OR2A42: variants seen among roughly 807,000 people sequenced by gnomAD.
OR2A42 encodes the protein olfactory receptor 2A1/2A42.
For missense variants in OR2A42, 3 were observed against 104.1 expected (o/e 0.03, Z 4.23); for synonymous variants, 5 against 46.4 (o/e 0.11, Z 3.63).
chr7:144,230,431 A>G lies in OR2A42; in HGVS notation c.*1480T>C, dbSNP rs1445069265. The G allele has an allele frequency of 9.6e-4, 119 of 123,604 alleles. 1 individual carries two copies. Among genetic ancestry groups the G allele is most frequent in the African/African-American group, 3.5e-3 (109 of 31,230 alleles). The allele number at this position is 123,604 out of a possible 1,614,324, so 7.7% of individuals were successfully genotyped here. A position where few individuals can be genotyped will look rare whatever the true frequency, so the allele number is the denominator to read the frequency against. Reference sequence around the variant, plus strand: ...TTTCTCGCCTAAAAATAGTAGTAATAGTCTCTACCTCATAGGGTTTTTATG... The same window carrying G: ...TTTCTCGCCTAAAAATAGTAGTAATGGTCTCTACCTCATAGGGTTTTTATG... On this transcript the variant is annotated 3_prime_UTR_variant, in exon 3 of 3. Coordinates refer to ENST00000641810, the MANE Select transcript of OR2A42 (RefSeq NM_001001802.3).
At chr7:144,234,959 T>C (rs2128820245) in intron 2 of OR2A42, among the ~76,000 whole-genome samples, 1 of 144,368 alleles carries the variant, frequency 6.9e-6, no homozygotes, top group East Asian at 1.9e-4. Flanking sequence ...TATTTATTTA[T>C]TTATTTTTTT....
intron 2 of OR2A42, among the ~76,000 whole-genome samples, chr7:144,235,168 G>C (rs2128820328): frequency 1.4e-5 from 2 of 146,818 alleles, no homozygotes; most frequent in South Asian, 4.3e-4. Context: ...TGTCACCCAG[G>C]CTGGTTTCAA....
intron 2 of OR2A42, among the ~76,000 whole-genome samples, chr7:144,238,109 T>C (rs2052454809): frequency 8.9e-6 from 1 of 112,468 alleles, no homozygotes; most frequent in Non-Finnish European, 1.8e-5. Flanking sequence ...CTGACAAGCA[T>C]TGCCTCTTCA....
chr7:144,230,149 GTTTGT>G lies in OR2A42; in HGVS notation c.*1757_*1761del, dbSNP rs1424341820. The G allele has an allele frequency of 7.5e-6, 1 of 133,858 alleles. No individual in the cohort carries two copies. Among genetic ancestry groups the G allele is most frequent in the African/African-American group, 2.8e-5 (1 of 35,090 alleles). 8.3% of individuals were successfully genotyped at this position (133,858 alleles called of 1,614,324 possible). On this transcript the variant is annotated 3_prime_UTR_variant, in exon 3 of 3. Coordinates refer to ENST00000641810, the MANE Select transcript of OR2A42 (RefSeq NM_001001802.3). ...AAAAAAAGCTGTTTTTTGTTTGTTT[GTTTGT>G]TTGTTTGTTTGTTTTTCCCCCAGCT...
intron 2 of OR2A42, among the ~76,000 whole-genome samples, chr7:144,237,487 C>T (rs1198868354): frequency 2.0e-5 from 3 of 147,854 alleles, no homozygotes; most frequent in Admixed American, 6.7e-5. Flanking sequence ...TCAAGTATAC[C>T]GATTACAGTA....
Position 144,238,522 on chromosome 7 carries a change from G to A in OR2A42, c.-95C>T, listed in dbSNP as rs1159108656. 3 of 150,334 alleles carry A rather than the reference G, an allele frequency of 2.0e-5. No homozygotes were observed. The East Asian group carries it at 5.8e-4, about 29-fold the overall frequency. 9.3% of individuals were successfully genotyped at this position (150,334 alleles called of 1,614,324 possible). On this transcript the variant is annotated 5_prime_UTR_variant, in exon 2 of 3. Transcript: ENST00000641810. ...ATGGTAAAGTAAAAAGAGGCAACCTGGTTAGCTCCCACATTTGGACTCAAG... is the reference window on the plus strand; with the variant it reads ...ATGGTAAAGTAAAAAGAGGCAACCTAGTTAGCTCCCACATTTGGACTCAAG...
chr7:144,237,540 G>T (rs2052445231), intron 2 of OR2A42, among the ~76,000 whole-genome samples: 1 of 147,822 alleles, frequency 6.8e-6, no homozygotes, highest in South Asian at 2.2e-4. Flanking sequence ...TCAGTCCAAA[G>T]ACGGTAAAAA....
At position 144,238,817 on chromosome 7, in the gene OR2A42, A is replaced by C. The variant is rs1199873656; in HGVS notation, c.-316-74T>G. 26 of 150,052 alleles carry C rather than the reference A, an allele frequency of 1.7e-4. No homozygotes were observed. The South Asian group carries it at 5.6e-3, about 32-fold the overall frequency. The allele number at this position is 150,052 out of a possible 1,614,324, so 9.3% of individuals were successfully genotyped here. On this transcript the variant is annotated intron_variant, in intron 1 of 2. Transcript: ENST00000641810. ...AACCCCAGCAGGATGCACAATTAAC[A>C]AACACCGACAGCCACAGAGCACACC...
chr7:144,237,571 CAAA>C (rs201765296), intron 2 of OR2A42, among the ~76,000 whole-genome samples: 10 of 147,230 alleles, frequency 6.8e-5, no homozygotes, highest in African/African-American at 2.5e-4. Flanking sequence ...CAAACAACAA[CAAA>C]AAAAAAACCA....
chr7:144,237,386 A>C (rs1260372956), intron 2 of OR2A42, among the ~76,000 whole-genome samples: 1 of 143,402 alleles, frequency 7.0e-6, no homozygotes, highest in Non-Finnish European at 1.5e-5. Flanking sequence ...TGATGAATTT[A>C]ATCCATTTGC....
In OR2A42 at chr7:144,229,665, T is replaced by C. The variant is rs2052345684; in HGVS notation, c.*2246A>G. 6.7e-6 allele frequency: 1 copy of C among 149,470 alleles called. No individual in the cohort carries two copies. 9.3% of individuals were successfully genotyped at this position (149,470 alleles called of 1,614,324 possible). A position where few individuals can be genotyped will look rare whatever the true frequency, so the allele number is the denominator to read the frequency against. ...TATCCCTTCCCAGTGTTAGTTGCAA[T>C]GCAGTATGCAGCATCTGCCGTGAAA... On this transcript the variant is annotated 3_prime_UTR_variant, in exon 3 of 3. Transcript: ENST00000641810.
chr7:144,234,941 A>C (rs2052406752), intron 2 of OR2A42, among the ~76,000 whole-genome samples: 2 of 141,774 alleles, frequency 1.4e-5, no homozygotes, highest in Non-Finnish European at 1.5e-5. Flanking sequence ...ACACCTTATA[A>C]ACATCTTTAT....
In OR2A42 at chr7:144,228,464, A is replaced by G. The variant is rs1372891751; in HGVS notation, c.*3447T>C. ...CCCCCCCCTTTAATGTTAGGATAGT[A>G]TTAGTACCTACTCCACATATTTGAT... is the stretch of plus-strand genomic sequence containing the variant. On this transcript the variant is annotated 3_prime_UTR_variant, in exon 3 of 3. Coordinates refer to ENST00000641810, the MANE Select transcript of OR2A42 (RefSeq NM_001001802.3). 2.6e-5 allele frequency: 3 copies of G among 113,528 alleles called. 1 individual carries two copies. The highest frequency in any genetic ancestry group is 1.0e-4 in the Admixed American group (1 of 9,834). The allele number at this position is 113,528 out of a possible 1,614,324, so 7.0% of individuals were successfully genotyped here. A position where few individuals can be genotyped will look rare whatever the true frequency, so the allele number is the denominator to read the frequency against.
rs1175577693 is a variant in OR2A42 at position 144,230,662 on chromosome 7, C to A, written c.*1249G>T. ...TACTCTCTAATCTCATTGAGAACAGCCTCTACTCCCACCCTGTCTGTGTTC... is the reference window on the plus strand; with the variant it reads ...TACTCTCTAATCTCATTGAGAACAGACTCTACTCCCACCCTGTCTGTGTTC... On this transcript the variant is annotated 3_prime_UTR_variant, in exon 3 of 3. Transcript: ENST00000641810. The A allele has an allele frequency of 7.1e-6, 1 of 141,842 alleles. No homozygotes were observed. The highest frequency in any genetic ancestry group is 1.6e-5 in the Non-Finnish European group (1 of 63,638). The allele number at this position is 141,842 out of a possible 1,614,324, so 8.8% of individuals were successfully genotyped here.
chr7:144,238,816 C>G (rs868566362), intron 1 of OR2A42, 73 bp from the exon 2 acceptor site: 3,222 of 142,896 alleles, frequency 0.023, 86 homozygotes, highest in African/African-American at 0.061. Context: ...GCACAATTAA[C>G]AAACACCGAC....
chr7:144,234,819 T>A (rs1473196310), intron 2 of OR2A42, among the ~76,000 whole-genome samples: 2 of 109,976 alleles, frequency 1.8e-5, no homozygotes, highest in Non-Finnish European at 3.6e-5. Flanking sequence ...AGGGTTATAT[T>A]TTTTTTTTCA....
intron 1 of OR2A42, chr7:144,239,041 A>G (rs2052468674): frequency 1.4e-5 from 2 of 144,138 alleles, no homozygotes; most frequent in South Asian, 4.4e-4. Context: ...GTGTTGCAGC[A>G]GAACTGGGAA....
chr7:144,237,543 G>A (rs1331169486), intron 2 of OR2A42, among the ~76,000 whole-genome samples: 4 of 147,156 alleles, frequency 2.7e-5, no homozygotes, highest in Admixed American at 6.7e-5. Context: ...GTCCAAAGAC[G>A]GTAAAAAAAC....
At chr7:144,238,389 A>T (rs1337510818) in intron 2 of OR2A42, 43 bp downstream of exon 2, 1 of 146,174 alleles carries the variant, frequency 6.8e-6, no homozygotes, top group Non-Finnish European at 1.5e-5. Context: ...CCCATTGCAG[A>T]AAGATAATCA....
Sources: gnomAD v4.1 joint callset for allele counts (sites outside exome capture counted in the v4.1 genomes callset) on GRCh38, gnomAD v4.1.1 for gene constraint, MANE v1.5 for transcripts, NCBI Gene and HGNC (gene_info 2026-07-23, HGNC 2026-07-21) for gene names.